The following CCDC125 variants were observed in gnomAD, a reference collection of about 807,000 sequenced individuals.
CCDC125 encodes coiled-coil domain-containing protein 125.
Under a neutral mutation model 57.4 loss-of-function variants are expected in CCDC125, and 43 were observed. The observed-to-expected ratio is 0.75, with a 90% CI of 0.59 to 0.97. CCDC125 has a LOEUF of 0.97. Ranked by LOEUF, CCDC125 falls within the 50% of genes least tolerant of loss-of-function variation. The pLI, the probability that CCDC125 is intolerant of heterozygous loss-of-function variation, is 0.00. For missense variants in CCDC125, 563 were observed against 595.7 expected (o/e 0.95, Z 0.57); for synonymous variants, 187 against 195.2 (o/e 0.96, Z 0.35).
At chr5:69,305,436 C>T (rs1757180853) in intron 6 of CCDC125, among the ~76,000 whole-genome samples, 2 of 152,134 alleles carry the variant, frequency 1.3e-5, no homozygotes, top group South Asian at 4.1e-4. Context: ...TGGTCTAGAA[C>T]TCCTGGCCTC....
At chr5:69,299,302 G>C (rs1259817970) in intron 8 of CCDC125, among the ~76,000 whole-genome samples, 1 of 151,960 alleles carries the variant, frequency 6.6e-6, no homozygotes, top group East Asian at 1.9e-4. Flanking sequence ...GTAGAGACAG[G>C]GTTTCACCAT....
chr5:69,330,457 G>A (rs187222373), intron 1 of CCDC125, among the ~76,000 whole-genome samples: 4 of 152,090 alleles, frequency 2.6e-5, no homozygotes, highest in African/African-American at 4.8e-5. Context: ...AGCTGGGCAC[G>A]GTGGTGTGCA....
chr5:69,308,086 A>C, intron 4 of CCDC125, 58 bp from the exon 5 acceptor site: 1 of 1,143,534 alleles, frequency 8.7e-7, no homozygotes, highest in East Asian at 2.3e-5. Context: ...TCCTATGTAC[A>C]TCATGAAGTT....
chr5:69,274,191 G>T, the CCDC125 span, among the ~76,000 whole-genome samples: 1 of 152,146 alleles, frequency 6.6e-6, no homozygotes, highest in African/African-American at 2.4e-5. Flanking sequence ...TTGTATTTGG[G>T]TTGTATTTTA....
At chr5:69,287,263 ATT>A (rs11331460) in intron 10 of CCDC125, among the ~76,000 whole-genome samples, 4 of 140,976 alleles carry the variant, frequency 2.8e-5, no homozygotes, top group African/African-American at 7.8e-5. Flanking sequence ...AGATTAATCA[ATT>A]TTTTTTTTTT....
chr5:69,327,094 CTTTTTTT>C (rs34614722), intron 1 of CCDC125, among the ~76,000 whole-genome samples: 2 of 137,000 alleles, frequency 1.5e-5, no homozygotes, highest in Non-Finnish European at 3.1e-5. Context: ...TATTCTCCCA[CTTTTTTT>C]TTTTTTTTTT....
At chr5:69,299,352 G>A (rs113189431) in intron 8 of CCDC125, among the ~76,000 whole-genome samples, 14,447 of 151,972 alleles carry the variant, frequency 0.095, 796 homozygotes, top group South Asian at 0.19. Flanking sequence ...CTTGTGATCC[G>A]CCCGCCTCGG....
At chr5:69,313,319 C>T (rs1288011188) in intron 3 of CCDC125, 12 of 855,526 alleles carry the variant, frequency 1.4e-5, no homozygotes, top group Admixed American at 1.3e-4. Context: ...CTGCAACCCC[C>T]GAGGACAGGT....
intron 1 of CCDC125, among the ~76,000 whole-genome samples, chr5:69,328,645 TA>T (rs1341389045): frequency 6.6e-6 from 1 of 152,050 alleles, no homozygotes; most frequent in Non-Finnish European, 1.5e-5. Context: ...AAAAATAAAT[TA>T]GTAGGATTAG....
chr5:69,314,785 C>T (rs1205164488), intron 2 of CCDC125, among the ~76,000 whole-genome samples: 1 of 151,884 alleles, frequency 6.6e-6, no homozygotes, highest in Non-Finnish European at 1.5e-5. Context: ...GCTTGAGCAA[C>T]AGAGCAAGAC....
At chr5:69,273,169 A>G in the CCDC125 span, 11 of 659,568 alleles carry the variant, frequency 1.7e-5, no homozygotes, top group Middle Eastern at 4.2e-4. Flanking sequence ...GTTTTAAGAA[A>G]TAACAAACTT....
chr5:69,295,033 A>G (rs1054693413), intron 8 of CCDC125, 133 bp from the exon 9 acceptor site: 2 of 588,512 alleles, frequency 3.4e-6, no homozygotes, highest in African/African-American at 3.9e-5. Context: ...CTGGAAAGGA[A>G]AAACAAAATA....
intron 7 of CCDC125, among the ~76,000 whole-genome samples, chr5:69,301,109 A>C (rs1429480885): frequency 6.6e-6 from 1 of 151,498 alleles, no homozygotes; most frequent in East Asian, 2.0e-4. Context: ...AAAAAAAAAA[A>C]AACCAGGTGC....
At chr5:69,322,143 GT>G (rs1195617332) in intron 1 of CCDC125, among the ~76,000 whole-genome samples, 17 of 147,820 alleles carry the variant, frequency 1.2e-4, no homozygotes, top group Admixed American at 2.7e-4. Context: ...GCCCAGCTGG[GT>G]TTTTTTTTTC....
At chr5:69,303,741 A>G in intron 7 of CCDC125, 106 bp downstream of exon 7, 2 of 654,582 alleles carry the variant, frequency 3.1e-6, no homozygotes, top group Non-Finnish European at 5.1e-6. Flanking sequence ...TAAAAAACCT[A>G]AATGATACAT....
chr5:69,281,645 T>C lies in CCDC125; in HGVS notation c.*1084A>G, dbSNP rs1373261058. The C allele has an allele frequency of 1.3e-5, 2 of 152,150 alleles. No individual in the cohort carries two copies. Among genetic ancestry groups the C allele is most frequent in the African/African-American group, 4.8e-5 (2 of 41,422 alleles). 9.4% of individuals were successfully genotyped at this position (152,150 alleles called of 1,614,324 possible). A position where few individuals can be genotyped will look rare whatever the true frequency, so the allele number is the denominator to read the frequency against. On this transcript the variant is annotated 3_prime_UTR_variant, in exon 12 of 12. Coordinates refer to ENST00000396496, the MANE Select transcript of CCDC125 (RefSeq NM_176816.5). ...TGAAGTTAACTTAAGGAAATTGTTATTTCTAAACTTCATATGGTAAATGAA... is the reference window on the plus strand; with the variant it reads ...TGAAGTTAACTTAAGGAAATTGTTACTTCTAAACTTCATATGGTAAATGAA...
downstream of CCDC125, among the ~76,000 whole-genome samples, chr5:69,276,282 G>A (rs1752129751): frequency 6.6e-6 from 1 of 152,170 alleles, no homozygotes; most frequent in African/African-American, 2.4e-5. Context: ...ACCCGCCTCA[G>A]CCTCCCAAGG....
At chr5:69,308,303 T>C (rs1051981416) in intron 4 of CCDC125, 1 of 440,966 alleles carries the variant, frequency 2.3e-6, no homozygotes, top group East Asian at 4.1e-5. Context: ...GTGGAAACCA[T>C]CTGATACGGT....
At chr5:69,327,523 T>C (rs1760893241) in intron 1 of CCDC125, among the ~76,000 whole-genome samples, 1 of 152,216 alleles carries the variant, frequency 6.6e-6, no homozygotes, top group East Asian at 1.9e-4. Context: ...CCAACCAGTT[T>C]AATGTATTCA....
Sources: allele counts gnomAD v4.1 joint callset (sites outside exome capture counted in the v4.1 genomes callset), GRCh38; gene constraint gnomAD v4.1.1; transcripts MANE v1.5; gene names NCBI Gene and HGNC (gene_info 2026-07-23, HGNC 2026-07-21).